The following RELN variants were observed in gnomAD, a reference collection of about 807,000 sequenced individuals.
RELN encodes the protein reelin.
In RELN, 108 loss-of-function variants were observed where a neutral mutation model predicts 427.6. The observed-to-expected ratio is 0.25, with a 90% CI of 0.22 to 0.30. RELN has a LOEUF of 0.30. Ranked by LOEUF, RELN falls within the 10% of genes least tolerant of loss-of-function variation. The probability of loss-of-function intolerance (pLI) is 1.00; values close to 1 mark genes in which losing one functional copy is unlikely to be tolerated. For missense variants in RELN, 3,715 were observed against 4,302.8 expected (o/e 0.86, Z 3.82); for synonymous variants, 1,524 against 1,513.4 (o/e 1.01, Z -0.16).
At chr7:103,499,905 T>G (rs148830867) in intron 53 of RELN, among the ~76,000 whole-genome samples, 1 of 152,222 alleles carries the variant, frequency 6.6e-6, no homozygotes, top group Admixed American at 6.5e-5. Flanking sequence ...TTGTTTTTCA[T>G]GTGGTAACCT....
At chr7:103,949,757 G>C (rs533194412) in intron 1 of RELN, among the ~76,000 whole-genome samples, 1 of 152,068 alleles carries the variant, frequency 6.6e-6, no homozygotes, top group African/African-American at 2.4e-5. Context: ...AAAATTAACC[G>C]GTATGGTTTC....
intron 11 of RELN, 44 bp from the exon 12 acceptor site, chr7:103,661,571 C>A (rs1338611372): frequency 6.4e-7 from 1 of 1,563,480 alleles, no homozygotes; most frequent in South Asian, 1.1e-5. Context: ...GAATATTAAG[C>A]CAAATCTTTA....
chr7:103,747,642 CTTTTTTT>C (rs541976561), intron 6 of RELN, among the ~76,000 whole-genome samples: 18 of 123,866 alleles, frequency 1.5e-4, no homozygotes, highest in Non-Finnish European at 1.9e-4. Context: ...CCTACTCTCA[CTTTTTTT>C]TTTTTTTTTT....
chr7:103,497,812 A>T lies in RELN; in HGVS notation c.8950+8T>A. ...CTCCAAGGGGTGGTTTTCACCCCTG[A>T]CACATGCCTCCATCGGTAGAGTAGT... On this transcript the variant is annotated splice_region_variant and intron_variant, in intron 55 of 64. Transcript: ENST00000428762. 6.2e-7 allele frequency: 1 copy of T among 1,613,050 alleles called. No homozygotes were observed. Among genetic ancestry groups the T allele is most frequent in the Non-Finnish European group, 8.5e-7 (1 of 1,179,042 alleles).
chr7:103,840,226 G>A (rs189338625), intron 2 of RELN, among the ~76,000 whole-genome samples: 93 of 152,312 alleles, frequency 6.1e-4, no homozygotes, highest in Non-Finnish European at 1.1e-3. Context: ...ATCGGTTTAC[G>A]TTCATTCAGC....
At chr7:103,979,332 T>C (rs914660079) in intron 1 of RELN, among the ~76,000 whole-genome samples, 1 of 152,198 alleles carries the variant, frequency 6.6e-6, no homozygotes, top group South Asian at 2.1e-4. Flanking sequence ...TTCTTATCAC[T>C]AGACATGACA....
At chr7:103,762,115 T>C (rs549541410) in intron 4 of RELN, among the ~76,000 whole-genome samples, 4 of 152,262 alleles carry the variant, frequency 2.6e-5, no homozygotes, top group African/African-American at 9.6e-5. Context: ...TCTGCCCATA[T>C]GAGGTGAGCA....
intron 36 of RELN, 88 bp downstream of exon 36, chr7:103,561,444 G>T: frequency 9.6e-7 from 1 of 1,043,014 alleles, no homozygotes; most frequent in Non-Finnish European, 1.5e-6. Context: ...CATTTGAAGA[G>T]ATTCAGAAAT....
At chr7:103,949,115 A>G (rs990745073) in intron 1 of RELN, among the ~76,000 whole-genome samples, 1 of 151,814 alleles carries the variant, frequency 6.6e-6, no homozygotes, top group Non-Finnish European at 1.5e-5. Flanking sequence ...ACATATATAT[A>G]TGTGTATACA....
At chr7:103,865,800 T>C (rs1054116840) in intron 2 of RELN, among the ~76,000 whole-genome samples, 2 of 152,312 alleles carry the variant, frequency 1.3e-5, no homozygotes, top group African/African-American at 2.4e-5. Context: ...TCATACTCAA[T>C]GGTGAAAACC....
intron 3 of RELN, among the ~76,000 whole-genome samples, chr7:103,808,824 T>C (rs1270541391): frequency 6.6e-6 from 1 of 152,136 alleles, no homozygotes; most frequent in Non-Finnish European, 1.5e-5. Flanking sequence ...AATGTTATGA[T>C]GGAGGCATTC....
At chr7:103,885,895 C>T (rs993878891) in intron 2 of RELN, among the ~76,000 whole-genome samples, 2 of 151,894 alleles carry the variant, frequency 1.3e-5, no homozygotes, top group East Asian at 3.9e-4. Flanking sequence ...ACCTAAAGTG[C>T]TTTTATAACT....
intron 3 of RELN, among the ~76,000 whole-genome samples, chr7:103,831,552 G>A (rs1347752072): frequency 6.6e-6 from 1 of 152,148 alleles, no homozygotes; most frequent in Non-Finnish European, 1.5e-5. Flanking sequence ...ACCTTGGCAA[G>A]TTTTACAGAA....
intron 50 of RELN, chr7:103,514,108 G>A (rs1829498018): frequency 6.6e-6 from 1 of 152,040 alleles, no homozygotes; most frequent in South Asian, 2.1e-4. Flanking sequence ...TTCCATGCAA[G>A]TTGCTAGGGG....
At position 103,885,334 on chromosome 7, in the gene RELN, A is replaced by G. The variant is rs77569564; in HGVS notation, c.337+31741T>C. 4.7e-3 allele frequency among the ~76,000 whole-genome samples: 587 copies of G among 125,040 alleles called. 21 individuals are homozygous for G. In the East Asian group the frequency reaches 0.073, roughly 16 times the overall value. 82.0% of individuals were successfully genotyped at this position (125,040 alleles called of 152,430 possible). Reference sequence around the variant, plus strand: ...AGGCTGGGCGACAGAGCAAGACTCCATCTCAAAAAAAAAAAATTATAGACT... The same window carrying G: ...AGGCTGGGCGACAGAGCAAGACTCCGTCTCAAAAAAAAAAAATTATAGACT... On this transcript the variant is annotated intron_variant, in intron 2 of 64. Transcript: ENST00000428762.
intron 1 of RELN, among the ~76,000 whole-genome samples, chr7:103,962,179 CCCCG>C (rs1796571192): frequency 6.6e-6 from 1 of 152,102 alleles, no homozygotes; most frequent in South Asian, 2.1e-4. Flanking sequence ...CTTCCCTGTT[CCCCG>C]TGCTGAACTC....
At chr7:103,493,165 GAGTGAAAAGAGTACTT>G (rs1828724209) in intron 57 of RELN, among the ~76,000 whole-genome samples, 1 of 152,192 alleles carries the variant, frequency 6.6e-6, no homozygotes, top group Admixed American at 6.5e-5. Flanking sequence ...GAGAGATTGG[GAGTGAAAAGAGTACTT>G]AGTCAACTGT....
intron 6 of RELN, among the ~76,000 whole-genome samples, chr7:103,738,378 G>A (rs1485457606): frequency 1.3e-5 from 2 of 151,706 alleles, no homozygotes; most frequent in African/African-American, 2.4e-5. Flanking sequence ...TATCTCCTAT[G>A]TCTTATTTTT....
chr7:103,969,556 T>C (rs1318307154), intron 1 of RELN, among the ~76,000 whole-genome samples: 1 of 152,206 alleles, frequency 6.6e-6, no homozygotes, highest in Non-Finnish European at 1.5e-5. Flanking sequence ...TAAATGATAC[T>C]GGGAAAACTG....
Sources: allele counts gnomAD v4.1 joint callset (sites outside exome capture counted in the v4.1 genomes callset), GRCh38; gene constraint gnomAD v4.1.1; transcripts MANE v1.5; gene names NCBI Gene and HGNC (gene_info 2026-07-23, HGNC 2026-07-21).